Variants in DUS2 observed in about 807,000 individuals in gnomAD.
DUS2 encodes the protein dihydrouridine synthase 2.
Under a neutral mutation model 71.3 loss-of-function variants are expected in DUS2, and 52 were observed. The observed-to-expected ratio is 0.73, with a 90% confidence interval of 0.58 to 0.92. DUS2 has a LOEUF of 0.92. Among genes scored for constraint, DUS2 ranks in the 40% least tolerant of loss-of-function variants. DUS2 has a pLI of 0.00. For synonymous variants in DUS2, 204 were observed against 227.8 expected (o/e 0.90, Z 0.94); for missense variants, 558 against 622.6 (o/e 0.90, Z 1.10).
At position 68,053,653 on chromosome 16, in the gene DUS2, A is replaced by T; in HGVS notation, c.262A>T (p.Met88Leu). The change falls in exon 5 of 17, where the codon ATG (methionine) becomes TTG (leucine). Residue 88 changes from methionine (M) to leucine (L), a missense_variant and splice_region_variant. Coordinates refer to ENST00000565263, the MANE Select transcript of DUS2 (RefSeq NM_017803.5). ...AGAGCAGAACAGGGTGGTCTTCCAG[A>T]TGGTGAGAGACTCCATTGCTGCATG... ...EREQNRVVFQ[M>L]GTSDAERALA... 1 of 1,614,186 alleles carries T rather than the reference A, an allele frequency of 6.2e-7. No individual in the cohort carries two copies.
intron 3 of DUS2, among the ~76,000 whole-genome samples, chr16:68,040,097 T>C (rs968004038): frequency 1.7e-4 from 26 of 151,904 alleles, no homozygotes; most frequent in African/African-American, 6.3e-4. Context: ...TCTTTTTTTT[T>C]TTTTAAGACA....
chr16:68,064,035 T>C (rs2033974531), intron 8 of DUS2, among the ~76,000 whole-genome samples: 1 of 152,208 alleles, frequency 6.6e-6, no homozygotes, highest in Admixed American at 6.5e-5. Flanking sequence ...ACTTGGGCCA[T>C]GGCTGACAAT....
intron 3 of DUS2, among the ~76,000 whole-genome samples, chr16:68,038,753 TAAAAA>T (rs1567471226): frequency 7.2e-6 from 1 of 138,192 alleles, no homozygotes. Flanking sequence ...AAGATAAAAA[TAAAAA>T]ATAAAAAGAG....
intron 8 of DUS2, among the ~76,000 whole-genome samples, chr16:68,063,161 C>T (rs1269451133): frequency 6.6e-6 from 1 of 152,226 alleles, no homozygotes; most frequent in Non-Finnish European, 1.5e-5. Flanking sequence ...TAGTTCATTT[C>T]ACTACTTCTC....
chr16:68,027,569 A>G (rs1444479363), intron 2 of DUS2, among the ~76,000 whole-genome samples: 5 of 152,194 alleles, frequency 3.3e-5, no homozygotes, highest in Non-Finnish European at 5.9e-5. Flanking sequence ...TACAGCAAAC[A>G]CTAAGCATCT....
intron 2 of DUS2, among the ~76,000 whole-genome samples, chr16:68,035,776 G>A (rs1403775474): frequency 2.9e-5 from 4 of 139,720 alleles, no homozygotes; most frequent in East Asian, 2.1e-4. Context: ...GTGCAGGGGC[G>A]CAATCTCAGC....
chr16:68,071,136 G>A (rs1162278647), intron 12 of DUS2, 28 bp downstream of exon 12: 3 of 1,611,670 alleles, frequency 1.9e-6, no homozygotes, highest in Non-Finnish European at 1.7e-6. Context: ...TTCAAAACAA[G>A]CATTTCTCAC....
rs544675909 is a variant in DUS2, at chr16:68,055,643, G to A, written c.309-721G>A. 3.3e-5 allele frequency among the ~76,000 whole-genome samples: 5 copies of A among 152,092 alleles called. No individual in the cohort carries two copies. In the South Asian group the frequency reaches 1.0e-3, roughly 32 times the overall value. On this transcript the variant is annotated intron_variant, in intron 6 of 16. Coordinates refer to ENST00000565263, the MANE Select transcript of DUS2 (RefSeq NM_017803.5). Reference sequence around the variant, plus strand: ...CTACCAACCTCTGGCATAGGGAAGGGTAAATGAAATAATGCCTGTAAATGT... The same window carrying A: ...CTACCAACCTCTGGCATAGGGAAGGATAAATGAAATAATGCCTGTAAATGT...
chr16:68,031,171 C>CT (rs986655457), intron 2 of DUS2, among the ~76,000 whole-genome samples: 45 of 151,944 alleles, frequency 3.0e-4, no homozygotes, highest in Non-Finnish European at 4.1e-4. Context: ...CTCATGAACT[C>CT]TTTTTTTTCT....
At chr16:68,056,884 GTATAT>G (rs930374606) in intron 7 of DUS2, among the ~76,000 whole-genome samples, 8 of 139,494 alleles carry the variant, frequency 5.7e-5, no homozygotes, top group South Asian at 2.2e-4. Context: ...TAATATATAG[GTATAT>G]TATATTACAT....
intron 2 of DUS2, 92 bp from the exon 3 acceptor site, chr16:68,037,914 C>G: frequency 1.5e-6 from 2 of 1,306,610 alleles, no homozygotes; most frequent in South Asian, 2.7e-5. Flanking sequence ...CTACTGTGTG[C>G]TGGAACCTTG....
At chr16:68,025,589 C>A in intron 2 of DUS2, 95 bp downstream of exon 2, 1 of 152,154 alleles carries the variant, frequency 6.6e-6, no homozygotes, top group Non-Finnish European at 1.5e-5. Flanking sequence ...TGCTTGAGTC[C>A]TTACAATATG....
Position 68,075,337 on chromosome 16 carries a change from C to A in DUS2, c.933-18C>A. ...GCTCCGCTAAAGTGTTTGCTCTGAT[C>A]TGCTTCTTCCTCCCTAGTGAGGCCT... is the stretch of plus-strand genomic sequence containing the variant. On this transcript the variant is annotated intron_variant, in intron 13 of 16. Coordinates refer to ENST00000565263, the MANE Select transcript of DUS2 (RefSeq NM_017803.5). 1 of 1,588,596 alleles carries A rather than the reference C, an allele frequency of 6.3e-7. No homozygotes were observed.
intron 8 of DUS2, among the ~76,000 whole-genome samples, chr16:68,061,749 A>G (rs1174356698): frequency 6.6e-6 from 1 of 151,960 alleles, no homozygotes; most frequent in African/African-American, 2.4e-5. Flanking sequence ...TTCATTCTCT[A>G]TCGCTACTTC....
In DUS2 at chr16:68,049,514, G is replaced by T. The variant is rs143924271; in HGVS notation, c.136G>T (p.Asp46Tyr). 1 of 1,614,120 alleles carries T rather than the reference G, an allele frequency of 6.2e-7. No individual in the cohort carries two copies. Among genetic ancestry groups the T allele is most frequent in the Non-Finnish European group, 8.5e-7 (1 of 1,180,004 alleles). ...TCTGATTCCTCTGCAGGAGCTGATC[G>T]ACCTCAAGATGATTCAGTGCAAGAG... is the stretch of plus-strand genomic sequence containing the variant. ...ADIVYCEELIDLKMIQCKRVV... is the reference protein window; with the variant it reads ...ADIVYCEELIYLKMIQCKRVV... Residue 46 changes from aspartate to tyrosine, a missense_variant, in exon 4 of 17, where the codon GAC becomes TAC. Transcript: ENST00000565263.
intron 13 of DUS2, 121 bp downstream of exon 13, chr16:68,074,276 G>C: frequency 7.7e-7 from 1 of 1,294,334 alleles, no homozygotes; most frequent in Non-Finnish European, 1.1e-6. Flanking sequence ...ATGTAGAGGA[G>C]TGGAGTGATG....
intron 2 of DUS2, among the ~76,000 whole-genome samples, chr16:68,027,375 A>G (rs1380742139): frequency 6.6e-6 from 1 of 151,824 alleles, no homozygotes; most frequent in Admixed American, 6.6e-5. Flanking sequence ...AGTAGCTGGG[A>G]TTACAGGCAT....
At chr16:68,053,856 A>C (rs936304826) in intron 5 of DUS2, 1 of 572,000 alleles carries the variant, frequency 1.7e-6, no homozygotes, top group Non-Finnish European at 3.1e-6. Flanking sequence ...AAATCAAGCT[A>C]TCACAGTCTT....
intron 2 of DUS2, among the ~76,000 whole-genome samples, chr16:68,028,329 T>A (rs1271863372): frequency 6.6e-6 from 1 of 152,066 alleles, no homozygotes; most frequent in South Asian, 2.1e-4. Flanking sequence ...TTTGTCGATA[T>A]AACAACATAA....
Sources: gnomAD v4.1 joint callset for allele counts (sites outside exome capture counted in the v4.1 genomes callset) on GRCh38, gnomAD v4.1.1 for gene constraint, MANE v1.5 for transcripts, NCBI Gene and HGNC (gene_info 2026-07-23, HGNC 2026-07-21) for gene names.